Variants in CPEB1 observed in about 807,000 individuals in gnomAD.
CPEB1 encodes the protein cytoplasmic polyadenylation element-binding protein 1.
In CPEB1, 7 loss-of-function variants were observed where a neutral mutation model predicts 65.8. That is an observed-to-expected ratio of 0.11 (90% CI 0.06 to 0.20). The LOEUF is 0.20. Ranked by LOEUF, CPEB1 falls within the 10% of genes least tolerant of loss-of-function variation. CPEB1 has a pLI of 1.00. For synonymous variants in CPEB1, 262 were observed against 260.0 expected (o/e 1.01, Z -0.08); for missense variants, 551 against 712.2 (o/e 0.77, Z 2.58).
At chr15:82,605,924 G>A (rs576512764) in intron 3 of CPEB1, among the ~76,000 whole-genome samples, 14 of 152,134 alleles carry the variant, frequency 9.2e-5, no homozygotes, top group African/African-American at 1.7e-4. Flanking sequence ...TGTAATCCCC[G>A]TTACCCGGGA....
At chr15:82,568,143 A>C (rs1269530161) in intron 4 of CPEB1, among the ~76,000 whole-genome samples, 1 of 152,224 alleles carries the variant, frequency 6.6e-6, no homozygotes, top group Admixed American at 6.5e-5. Context: ...TAGAATTCTG[A>C]GCCTTCCAGG....
chr15:82,620,277 T>G (rs1226329913), intron 3 of CPEB1, among the ~76,000 whole-genome samples: 1 of 151,952 alleles, frequency 6.6e-6, no homozygotes, highest in East Asian at 1.9e-4. Flanking sequence ...ATACAAAAAT[T>G]AGCCGGGTGT....
chr15:82,562,154 CTTTTT>C, intron 4 of CPEB1: 3 of 415,620 alleles, frequency 7.2e-6, no homozygotes, highest in Admixed American at 2.8e-5. Flanking sequence ...TCACTAGCTA[CTTTTT>C]TTTTTTTTTT....
At chr15:82,644,583 T>C (rs1381083250) in intron 1 of CPEB1, among the ~76,000 whole-genome samples, 1 of 152,156 alleles carries the variant, frequency 6.6e-6, no homozygotes, top group Non-Finnish European at 1.5e-5. Context: ...AGGAGATCCA[T>C]CAAAATAGAG....
At chr15:82,644,394 TAAC>T (rs1218626507) in intron 1 of CPEB1, among the ~76,000 whole-genome samples, 1 of 152,220 alleles carries the variant, frequency 6.6e-6, no homozygotes. Flanking sequence ...TTCCATCACT[TAAC>T]AGCCTTGTGA....
chr15:82,620,576 T>G (rs563916281), intron 3 of CPEB1, among the ~76,000 whole-genome samples: 6 of 152,238 alleles, frequency 3.9e-5, no homozygotes, highest in African/African-American at 1.4e-4. Context: ...GGCAAGGAAT[T>G]TGCTTAAGCC....
At chr15:82,627,529 A>G (rs2045875015) in intron 2 of CPEB1, among the ~76,000 whole-genome samples, 162 bp from the exon 3 acceptor site, 1 of 152,210 alleles carries the variant, frequency 6.6e-6, no homozygotes, top group Admixed American at 6.5e-5. Flanking sequence ...TCGGAACTGT[A>G]AGAAAAAAAT....
intron 3 of CPEB1, among the ~76,000 whole-genome samples, chr15:82,612,295 G>A (rs1050823798): frequency 4.5e-4 from 68 of 151,816 alleles, no homozygotes; most frequent in African/African-American, 1.6e-3. Context: ...TCAGGAGTTC[G>A]AGACCAGCCT....
intron 4 of CPEB1, among the ~76,000 whole-genome samples, chr15:82,562,947 G>A (rs1014314338): frequency 6.6e-6 from 1 of 152,134 alleles, no homozygotes; most frequent in Non-Finnish European, 1.5e-5. Flanking sequence ...AGGCTATATA[G>A]GACATTTACT....
chr15:82,571,862 CG>C, intron 3 of CPEB1: 4 of 1,081,408 alleles, frequency 3.7e-6, no homozygotes, highest in Non-Finnish European at 4.5e-6. Flanking sequence ...CCTCACAGAA[CG>C]GGGGAGGAGC....
chr15:82,545,745 GTCCAGAAGT>G (rs1199858213), intron 12 of CPEB1, among the ~76,000 whole-genome samples: 1 of 152,070 alleles, frequency 6.6e-6, no homozygotes, highest in Non-Finnish European at 1.5e-5. Context: ...TATCAAAGTC[GTCCAGAAGT>G]TCAGATGTAA....
Position 82,543,461 on chromosome 15 carries a change from TAAAAAAAAAAAAA to T in CPEB1, c.*1118_*1130del, listed in dbSNP as rs803695. ...TTTTTGTGGGTTTTTTGTTTCTTTT[TAAAAAAAAAAAAA>T]AAAAAAAAAAGGAAAGAAAAAAAAG... On this transcript the variant is annotated 3_prime_UTR_variant, in exon 13 of 13. Transcript: ENST00000684509. The T allele has an allele frequency of 3.0e-5, 4 of 131,964 alleles. No homozygotes were observed. The highest frequency in any genetic ancestry group is 6.2e-5 in the Non-Finnish European group (4 of 64,750). 8.2% of individuals were successfully genotyped at this position (131,964 alleles called of 1,614,324 possible). A position where few individuals can be genotyped will look rare whatever the true frequency, so the allele number is the denominator to read the frequency against.
intron 1 of CPEB1, chr15:82,629,467 A>G (rs2046057721): frequency 1.0e-6 from 1 of 983,684 alleles, no homozygotes; most frequent in Admixed American, 6.2e-5. Context: ...TATATAAAAA[A>G]TCATGAACCC....
chr15:82,588,385 TATGTATACAAGC>T (rs2041968949), intron 3 of CPEB1, among the ~76,000 whole-genome samples: 1 of 152,254 alleles, frequency 6.6e-6, no homozygotes. Flanking sequence ...CAAAGATTTT[TATGTATACAAGC>T]ATGTATACAC....
chr15:82,614,738 G>T (rs901528095), intron 3 of CPEB1, among the ~76,000 whole-genome samples: 3 of 150,634 alleles, frequency 2.0e-5, no homozygotes, highest in African/African-American at 7.4e-5. Flanking sequence ...TTAAAAAAAA[G>T]AAAGAAAGAA....
chr15:82,579,844 G>A (rs988282339), intron 3 of CPEB1, among the ~76,000 whole-genome samples: 7 of 143,198 alleles, frequency 4.9e-5, no homozygotes, highest in African/African-American at 1.3e-4. Flanking sequence ...CCCGGGAAGC[G>A]GAGCTTGCAG....
At chr15:82,564,455 T>TTGTG (rs57077636) in intron 4 of CPEB1, among the ~76,000 whole-genome samples, 6 of 151,422 alleles carry the variant, frequency 4.0e-5, no homozygotes, top group African/African-American at 7.3e-5. Context: ...CCGGCTAATT[T>TTGTG]TGTGTGTGTG....
In CPEB1 at chr15:82,614,266, A is replaced by C. The variant is rs2044473987; in HGVS notation, c.271+12927T>G. On this transcript the variant is annotated intron_variant, in intron 3 of 12. Transcript: ENST00000684509. ...GTGACCCTCTCACCTTAACCTCCCA[A>C]AGTGCTGGGATTACAGGCACGAGCC... is the stretch of plus-strand genomic sequence containing the variant. Among the ~76,000 whole-genome samples the C allele has an allele frequency of 1.3e-5, 2 of 152,156 alleles. 1 individual carries two copies. The highest frequency in any genetic ancestry group is 4.1e-4 in the South Asian group (2 of 4,826).
upstream of CPEB1, chr15:82,648,131 C>A (rs1165959241): frequency 1.1e-5 from 4 of 356,670 alleles, no homozygotes; most frequent in Non-Finnish European, 2.0e-5. Flanking sequence ...GGCTCCGCCG[C>A]CCACCCGGAA....
Sources: gnomAD v4.1 joint callset for allele counts (sites outside exome capture counted in the v4.1 genomes callset) on GRCh38, gnomAD v4.1.1 for gene constraint, MANE v1.5 for transcripts, NCBI Gene and HGNC (gene_info 2026-07-23, HGNC 2026-07-21) for gene names.